The following SLC9B1 variants were observed in gnomAD, a reference collection of about 807,000 sequenced individuals.
SLC9B1 encodes the protein solute carrier family 9 member B1.
Under a neutral mutation model 51.7 loss-of-function variants are expected in SLC9B1, and 32 were observed. That is an observed-to-expected ratio of 0.62 (90% CI 0.47 to 0.83). The LOEUF is 0.83. Ranked by LOEUF, SLC9B1 falls within the 40% of genes least tolerant of loss-of-function variation. The pLI is 0.00. For synonymous variants in SLC9B1, 145 were observed against 212.7 expected (o/e 0.68, Z 2.77); for missense variants, 406 against 613.2 (o/e 0.66, Z 3.57).
chr4:102,982,976 G>GC lies in SLC9B1; in HGVS notation c.211+6823dup, dbSNP rs566452387. ...ACCTTGTTACTGATCTAGAAGAAAAGCTTCTAGTTTTTCACCAATGAGTAC... is the reference window on the plus strand; with the variant it reads ...ACCTTGTTACTGATCTAGAAGAAAAGCCTTCTAGTTTTTCACCAATGAGTAC... On this transcript the variant is annotated intron_variant, in intron 3 of 11. Coordinates refer to ENST00000296422, the MANE Select transcript of SLC9B1 (RefSeq NM_139173.4). 3.8e-4 allele frequency among the ~76,000 whole-genome samples: 58 copies of GC among 152,190 alleles called. 2 individuals carry two copies. The South Asian group carries it at 0.012, about 31-fold the overall frequency.
At chr4:103,014,409 C>G (rs1161968881) in intron 1 of SLC9B1, among the ~76,000 whole-genome samples, 1 of 152,212 alleles carries the variant, frequency 6.6e-6, no homozygotes, top group Admixed American at 6.5e-5. Context: ...TAACTGTCAT[C>G]ATTTTTAAAT....
At chr4:102,918,351 C>G (rs913795084) in intron 7 of SLC9B1, among the ~76,000 whole-genome samples, 2 of 151,898 alleles carry the variant, frequency 1.3e-5, no homozygotes, top group Admixed American at 6.6e-5. Context: ...AAGACTAAGT[C>G]ACAAAATAAA....
chr4:103,014,730 AATACTTTCT>A (rs1311272006), intron 1 of SLC9B1: 1 of 152,238 alleles, frequency 6.6e-6, no homozygotes, highest in East Asian at 1.9e-4. Context: ...CCAGCCAGCC[AATACTTTCT>A]ACCCAGCAAC....
chr4:102,972,014 A>G (rs1483890186), intron 3 of SLC9B1, among the ~76,000 whole-genome samples: 1 of 152,204 alleles, frequency 6.6e-6, no homozygotes, highest in African/African-American at 2.4e-5. Context: ...CTACCAACAA[A>G]AAAAAGTCCA....
At chr4:102,946,193 G>C (rs950253164) in intron 5 of SLC9B1, among the ~76,000 whole-genome samples, 4 of 152,170 alleles carry the variant, frequency 2.6e-5, no homozygotes, top group Non-Finnish European at 4.4e-5. Context: ...CGCTAATAAA[G>C]ACCTTACAAC....
intron 3 of SLC9B1, among the ~76,000 whole-genome samples, chr4:102,957,357 G>A (rs1737862505): frequency 6.6e-6 from 1 of 152,120 alleles, no homozygotes; most frequent in South Asian, 2.1e-4. Flanking sequence ...AACACAAAGA[G>A]ATTCACACCT....
At chr4:102,945,418 G>T in intron 5 of SLC9B1, 98 bp from the exon 6 acceptor site, 2 of 1,320,786 alleles carry the variant, frequency 1.5e-6, no homozygotes, top group Non-Finnish European at 2.0e-6. Context: ...TTCATAAGAA[G>T]CTTTCACTAA....
At position 102,974,247 on chromosome 4, in the gene SLC9B1, A is replaced by ATT. The variant is rs1282452769; in HGVS notation, c.211+15552_211+15553insAA. 7.1e-5 allele frequency among the ~76,000 whole-genome samples: 10 copies of ATT among 140,612 alleles called. 1 individual carries two copies. The highest frequency in any genetic ancestry group is 2.8e-4 in the African/African-American group (10 of 35,176). The allele number at this position is 140,612 out of a possible 152,430, so 92.2% of individuals were successfully genotyped here. A position where few individuals can be genotyped will look rare whatever the true frequency, so the allele number is the denominator to read the frequency against. ...GCAAGACTCTGTCTAAAATTGAAAA[A>ATT]AAAAAAAAAAAAAAAAAAATCGGAG... is the stretch of plus-strand genomic sequence containing the variant. On this transcript the variant is annotated intron_variant, in intron 3 of 11. Transcript: ENST00000296422.
intron 3 of SLC9B1, among the ~76,000 whole-genome samples, chr4:102,963,998 C>T (rs1344263602): frequency 6.6e-6 from 1 of 151,842 alleles, no homozygotes; most frequent in East Asian, 1.9e-4. Flanking sequence ...ACATTAAAAA[C>T]AACCAAAGAA....
At position 102,910,582 on chromosome 4, in the gene SLC9B1, G is replaced by A. The variant is rs771987427; in HGVS notation, c.943C>T (p.Leu315Phe). The A allele has an allele frequency of 7.0e-7, 1 of 1,436,144 alleles. No homozygotes were observed. The highest frequency in any genetic ancestry group is 9.2e-7 in the Non-Finnish European group (1 of 1,092,396). The allele number at this position is 1,436,144 out of a possible 1,614,324, so 89.0% of individuals were successfully genotyped here. A position where few individuals can be genotyped will look rare whatever the true frequency, so the allele number is the denominator to read the frequency against. ...ACAAGGAATCCTCTCTTCAATGTAA[G>A]TTTTTTCTAGAATTAGATAGATATT... Reference protein sequence around the residue: ...RYFPSEDQKKLTLKRGFLVLT... With the variant: ...RYFPSEDQKKFTLKRGFLVLT... Residue 315 changes from leucine to phenylalanine, a missense_variant, in exon 9 of 12, where the codon CTT becomes TTT. Physicochemically the swap from Leu to Phe is conservative, Grantham distance 22. This residue lies in a region of SLC9B1 where 250 missense variants were observed against 394.1 expected (regional missense o/e 0.63). Transcript: ENST00000296422.
At chr4:102,885,595 AC>A (rs1307904277) in intron 11 of SLC9B1, among the ~76,000 whole-genome samples, 1 of 152,234 alleles carries the variant, frequency 6.6e-6, no homozygotes, top group African/African-American at 2.4e-5. Context: ...GATAGATACT[AC>A]CTACATTAGA....
At chr4:102,972,221 C>T (rs190922749) in intron 3 of SLC9B1, among the ~76,000 whole-genome samples, 316 of 152,278 alleles carry the variant, frequency 2.1e-3, no homozygotes, top group African/African-American at 7.1e-3. Flanking sequence ...CCCTGATGAA[C>T]ATCAATGCAA....
chr4:102,932,080 A>G, intron 7 of SLC9B1, 44 bp downstream of exon 7: 1 of 1,586,204 alleles, frequency 6.3e-7, no homozygotes. Context: ...AAGTAACAAA[A>G]AAGGTCATGA....
intron 7 of SLC9B1, among the ~76,000 whole-genome samples, chr4:102,925,908 C>A (rs1427253026): frequency 2.0e-5 from 3 of 151,014 alleles, no homozygotes; most frequent in African/African-American, 7.3e-5. Flanking sequence ...ACGATCAAGT[C>A]GGCTTCATCT....
At chr4:102,941,285 T>C (rs916704469) in intron 6 of SLC9B1, among the ~76,000 whole-genome samples, 3 of 151,828 alleles carry the variant, frequency 2.0e-5, no homozygotes, top group African/African-American at 7.3e-5. Context: ...AAAAAGAACT[T>C]AGAAAAATCA....
Position 102,911,541 on chromosome 4 carries a change from T to C in SLC9B1, c.830-4A>G, listed in dbSNP as rs752950747. ...ATGGCGTTATTAAGTATACCACCTG[T>C]AGGGGCACACAATAAAAAAAAATTC... On this transcript the variant is annotated splice_polypyrimidine_tract_variant and splice_region_variant and intron_variant, in intron 7 of 11. Transcript: ENST00000296422. 4.5e-6 allele frequency: 7 copies of C among 1,569,470 alleles called. No individual in the cohort carries two copies. The South Asian group carries it at 6.8e-5, about 15-fold the overall frequency.
chr4:102,898,944 T>C (rs745821659), downstream of SLC9B1, among the ~76,000 whole-genome samples: 14 of 152,078 alleles, frequency 9.2e-5, no homozygotes, highest in Non-Finnish European at 1.9e-4. Context: ...TATTTCACCA[T>C]GTTAGCCAGG....
At chr4:102,918,509 T>A (rs1209007347) in intron 7 of SLC9B1, among the ~76,000 whole-genome samples, 2 of 152,204 alleles carry the variant, frequency 1.3e-5, no homozygotes, top group African/African-American at 4.8e-5. Flanking sequence ...GTCAGTTGAC[T>A]TTGCTATGGT....
At chr4:102,966,180 C>T (rs969383481) in intron 3 of SLC9B1, among the ~76,000 whole-genome samples, 31 of 152,186 alleles carry the variant, frequency 2.0e-4, no homozygotes, top group African/African-American at 7.0e-4. Context: ...CTAGGTATTG[C>T]CCTGGTACAG....
Sources: gnomAD v4.1 joint callset for allele counts (sites outside exome capture counted in the v4.1 genomes callset) on GRCh38, gnomAD v4.1.1 for gene constraint, gnomAD v4.1.1 regional missense constraint, MANE v1.5 for transcripts, NCBI Gene and HGNC (gene_info 2026-07-23, HGNC 2026-07-21) for gene names.